The following RGS8 variants were observed in gnomAD, a reference collection of about 807,000 sequenced individuals.
RGS8 encodes regulator of G-protein signaling 8.
RGS8 carries 8 observed loss-of-function variants against 21.7 expected under a neutral mutation model. The ratio of observed to expected loss-of-function variants is 0.37; its 90% CI spans 0.22 to 0.66. The LOEUF (loss-of-function observed/expected upper bound fraction) is 0.66, where lower values mean the gene tolerates loss of function less well. Ranked by LOEUF, RGS8 falls within the 30% of genes least tolerant of loss-of-function variation. The probability of loss-of-function intolerance (pLI) is 0.59; values close to 1 mark genes in which losing one functional copy is unlikely to be tolerated. For synonymous variants in RGS8, 80 were observed against 83.6 expected (o/e 0.96, Z 0.24); for missense variants, 157 against 217.9 (o/e 0.72, Z 1.76).
the RGS8 span, among the ~76,000 whole-genome samples, chr1:182,741,926 A>AT: frequency 1.7e-4 from 22 of 132,480 alleles, 1 homozygote; most frequent in Non-Finnish European, 2.7e-4. Flanking sequence ...CCGGGCGGAG[A>AT]CGCTCCTCAC....
the RGS8 span, among the ~76,000 whole-genome samples, chr1:182,730,453 T>C: frequency 6.6e-6 from 1 of 152,166 alleles, no homozygotes; most frequent in African/African-American, 2.4e-5. Flanking sequence ...CTCATGCCTG[T>C]AATCCCAGTA....
intron 3 of RGS8, among the ~76,000 whole-genome samples, chr1:182,668,150 G>T (rs908674205): frequency 2.0e-5 from 3 of 152,182 alleles, no homozygotes; most frequent in African/African-American, 7.2e-5. Flanking sequence ...CAGACCATAT[G>T]GCCCACAAAC....
At chr1:182,685,666 G>C (rs1346287581), upstream of RGS8, among the ~76,000 whole-genome samples, 1 of 152,154 alleles carries the variant, frequency 6.6e-6, no homozygotes, top group African/African-American at 2.4e-5. Context: ...CAGGTCTCCA[G>C]TGAACTGTCC....
At chr1:182,741,174 G>A in the RGS8 span, among the ~76,000 whole-genome samples, 4 of 145,290 alleles carry the variant, frequency 2.8e-5, no homozygotes, top group East Asian at 2.2e-4. Flanking sequence ...GCGGCTGGCC[G>A]GGTGGGGGGC....
At chr1:182,689,754 A>G in the RGS8 span, among the ~76,000 whole-genome samples, 1 of 152,194 alleles carries the variant, frequency 6.6e-6, no homozygotes, top group Non-Finnish European at 1.5e-5. Context: ...ACCATATGGA[A>G]CAATTTATAT....
chr1:182,732,301 A>ACACACACACC, the RGS8 span, among the ~76,000 whole-genome samples: 2,779 of 150,604 alleles, frequency 0.018, 38 homozygotes, highest in South Asian at 0.025. Context: ...ACACACACAC[A>ACACACACACC]CCCACTGTAG....
intron 5 of RGS8, among the ~76,000 whole-genome samples, chr1:182,649,340 CA>C (rs1467965109): frequency 6.6e-6 from 1 of 151,764 alleles, no homozygotes; most frequent in Non-Finnish European, 1.5e-5. Flanking sequence ...TTGCTACTAC[CA>C]AAAAAAATCT....
At chr1:182,671,874 A>G (rs1664181243) in exon 1 of RGS8, 1 of 1,506,312 alleles carries the variant, frequency 6.6e-7, no homozygotes, top group African/African-American at 1.4e-5. Flanking sequence ...CCAGGCAGCA[A>G]GCGGCCCCAC....
At chr1:182,741,222 C>T in the RGS8 span, among the ~76,000 whole-genome samples, 2 of 143,912 alleles carry the variant, frequency 1.4e-5, no homozygotes, top group East Asian at 2.2e-4. Flanking sequence ...GGCGGCTGGC[C>T]GGGCAGAGGG....
At chr1:182,704,220 G>A in the RGS8 span, among the ~76,000 whole-genome samples, 1 of 152,166 alleles carries the variant, frequency 6.6e-6, no homozygotes, top group Non-Finnish European at 1.5e-5. Flanking sequence ...TTCTCAGCTT[G>A]CATAAAATAG....
chr1:182,649,625 A>G (rs1662898630), intron 5 of RGS8, among the ~76,000 whole-genome samples: 1 of 152,206 alleles, frequency 6.6e-6, no homozygotes, highest in South Asian at 2.1e-4. Context: ...CCAACACAAG[A>G]TGAGCAGGGT....
chr1:182,703,022 C>T, the RGS8 span, among the ~76,000 whole-genome samples: 5 of 152,182 alleles, frequency 3.3e-5, no homozygotes, highest in Non-Finnish European at 7.3e-5. Context: ...AGCACTCACC[C>T]TCTCATTTAT....
the RGS8 span, among the ~76,000 whole-genome samples, chr1:182,735,513 T>C: frequency 6.6e-6 from 1 of 152,032 alleles, no homozygotes; most frequent in Non-Finnish European, 1.5e-5. Flanking sequence ...CTAGATCTGA[T>C]GAGATCAGGG....
chr1:182,696,570 A>T, the RGS8 span, among the ~76,000 whole-genome samples: 1 of 152,030 alleles, frequency 6.6e-6, no homozygotes, highest in Non-Finnish European at 1.5e-5. Flanking sequence ...GCTGTTCTCA[A>T]ACTCCTGACC....
the RGS8 span, among the ~76,000 whole-genome samples, chr1:182,748,457 A>G: frequency 1.3e-5 from 2 of 152,246 alleles, no homozygotes; most frequent in African/African-American, 4.8e-5. Flanking sequence ...TTATGGCTGA[A>G]TAATATCCCA....
rs149131875 is a variant in RGS8 at position 182,683,130 on chromosome 1, C to G, written n.221+1226G>C. ...GGTGAGATGTGGGCCACACTACACA[C>G]TCTACTGCCCACTCACTTATCACCT... On this transcript the variant is annotated intron_variant and non_coding_transcript_variant, in intron 1 of 4. Transcript: ENST00000515211. Among the ~76,000 whole-genome samples the G allele has an allele frequency of 2.4e-3, 359 of 152,340 alleles. 4 individuals carry two copies. Among genetic ancestry groups the G allele is most frequent in the African/African-American group, 8.4e-3 (348 of 41,578 alleles).
chr1:182,681,081 C>T (rs1190164594), intron 1 of RGS8, among the ~76,000 whole-genome samples: 1 of 152,218 alleles, frequency 6.6e-6, no homozygotes, highest in Non-Finnish European at 1.5e-5. Context: ...CTGTAAATCA[C>T]TTAGGCTTAT....
chr1:182,686,889 T>C (rs964213042), upstream of RGS8, among the ~76,000 whole-genome samples: 1 of 151,862 alleles, frequency 6.6e-6, no homozygotes, highest in African/African-American at 2.4e-5. Context: ...CCAAAGATAC[T>C]GAGAAAAATC....
the RGS8 span, among the ~76,000 whole-genome samples, chr1:182,736,692 C>G: frequency 1.3e-5 from 2 of 152,208 alleles, no homozygotes; most frequent in African/African-American, 4.8e-5. Flanking sequence ...AATCCCCTAC[C>G]ATGCAGTGTG....
Sources: gnomAD v4.1 joint callset for allele counts (sites outside exome capture counted in the v4.1 genomes callset) on GRCh38, gnomAD v4.1.1 for gene constraint, MANE v1.5 for transcripts, NCBI Gene and HGNC (gene_info 2026-07-23, HGNC 2026-07-21) for gene names.